The following THSD4 variants were observed in gnomAD, a reference collection of about 807,000 sequenced individuals.
THSD4 encodes the protein thrombospondin type-1 domain-containing protein 4.
A neutral mutation model predicts 119.0 loss-of-function variants in THSD4; 69 were observed. That is an observed-to-expected ratio of 0.58 (90% CI 0.48 to 0.71). THSD4 has a LOEUF of 0.71. Ranked by LOEUF, THSD4 falls within the 30% of genes least tolerant of loss-of-function variation. THSD4 has a pLI of 0.00. For missense variants in THSD4, 1,393 were observed against 1,391.1 expected (o/e 1.00, Z -0.02); for synonymous variants, 524 against 540.4 (o/e 0.97, Z 0.42).
At chr15:71,113,886 A>T (rs1341349774), upstream of THSD4, 2 of 152,084 alleles carry the variant, frequency 1.3e-5, no homozygotes, top group East Asian at 3.9e-4. Context: ...TTAAGTGTAT[A>T]ATTCAGTGAC....
chr15:71,215,159 A>T lies in THSD4; in HGVS notation c.224A>T (p.Glu75Val). 1 of 1,378,894 alleles carries T rather than the reference A, an allele frequency of 7.3e-7. No individual in the cohort carries two copies. 85.4% of individuals were successfully genotyped at this position (1,378,894 alleles called of 1,614,324 possible). ...CSRSCSGGVM[E>V]QTRPCLPRSY... Reference sequence around the variant, plus strand: ...CGTAGCTGCAGCGGCGGCGTGATGGAGCAGACGCGGCCCTGCCTGCCCCGC... The same window carrying T: ...CGTAGCTGCAGCGGCGGCGTGATGGTGCAGACGCGGCCCTGCCTGCCCCGC... Residue 75 changes from glutamate to valine, a missense_variant, in exon 4 of 18, where the codon GAG becomes GTG. Glu to Val is a moderately radical substitution (Grantham distance 121). Coordinates refer to ENST00000261862, the MANE Select transcript of THSD4 (RefSeq NM_024817.3).
At chr15:71,248,973 T>C (rs1003412253) in intron 5 of THSD4, among the ~76,000 whole-genome samples, 16 of 152,306 alleles carry the variant, frequency 1.1e-4, no homozygotes, top group Middle Eastern at 6.8e-3. Flanking sequence ...GTTTCTCTTA[T>C]CATGAGCTTA....
At chr15:71,214,181 T>A (rs1305163495) in intron 3 of THSD4, among the ~76,000 whole-genome samples, 2 of 152,214 alleles carry the variant, frequency 1.3e-5, no homozygotes, top group African/African-American at 2.4e-5. Flanking sequence ...ATCAGCACTC[T>A]GTAAAATGGA....
intron 6 of THSD4, among the ~76,000 whole-genome samples, chr15:71,365,725 G>T (rs551047262): frequency 6.6e-6 from 1 of 152,220 alleles, no homozygotes; most frequent in African/African-American, 2.4e-5. Context: ...GTAGCTACAA[G>T]CAACTTTCCT....
intron 7 of THSD4, among the ~76,000 whole-genome samples, chr15:71,648,416 C>T (rs2051015086): frequency 6.6e-6 from 1 of 152,206 alleles, no homozygotes; most frequent in Admixed American, 6.5e-5. Context: ...AGCAGTCTCC[C>T]TTGCTCTGTT....
At chr15:71,535,690 G>A (rs536253162) in intron 7 of THSD4, among the ~76,000 whole-genome samples, 6 of 152,194 alleles carry the variant, frequency 3.9e-5, no homozygotes, top group Non-Finnish European at 7.4e-5. Context: ...GACTCTTGAT[G>A]TTGAGCATCT....
chr15:71,694,728 C>G (rs2052126406), intron 8 of THSD4, among the ~76,000 whole-genome samples: 1 of 152,178 alleles, frequency 6.6e-6, no homozygotes, highest in South Asian at 2.1e-4. Flanking sequence ...TCAGGACATG[C>G]TGTTATAACT....
At chr15:71,119,737 T>A (rs1048021577) in intron 1 of THSD4, among the ~76,000 whole-genome samples, 1 of 152,220 alleles carries the variant, frequency 6.6e-6, no homozygotes, top group Non-Finnish European at 1.5e-5. Flanking sequence ...ACCCCCCGAA[T>A]AGGGCTGGAC....
At chr15:71,465,260 G>A (rs1325935372) in intron 7 of THSD4, among the ~76,000 whole-genome samples, 1 of 152,174 alleles carries the variant, frequency 6.6e-6, no homozygotes, top group Non-Finnish European at 1.5e-5. Context: ...CAGTGTGATT[G>A]ACTCAGTCAT....
chr15:71,759,042 T>C (rs1449930409), intron 15 of THSD4, among the ~76,000 whole-genome samples: 1 of 152,196 alleles, frequency 6.6e-6, no homozygotes, highest in South Asian at 2.1e-4. Context: ...GTTACAGATA[T>C]TATGGCATAT....
rs1195275065 is a variant in THSD4 at position 71,107,961 on chromosome 15, C to G, written c.-80+10955C>G. On this transcript the variant is annotated intron_variant, in intron 1 of 17. Coordinates refer to the THSD4 transcript ENST00000355327. The stretch of plus-strand genomic sequence containing the variant: ...GCTGCTATTATTTTTTCCTGAATCA[C>G]TGCTTCGTTTTCTGTCCATTCCACT... Among the ~76,000 whole-genome samples the G allele has an allele frequency of 3.3e-5, 5 of 152,332 alleles. No homozygotes were observed. The East Asian group carries it at 9.7e-4, about 29-fold the overall frequency.
chr15:71,292,754 G>A (rs1028222437), intron 6 of THSD4, among the ~76,000 whole-genome samples: 4 of 147,930 alleles, frequency 2.7e-5, no homozygotes, highest in Admixed American at 2.1e-4. Flanking sequence ...TCAGCTCACT[G>A]CAAGCTCCGC....
intron 7 of THSD4, among the ~76,000 whole-genome samples, chr15:71,526,451 A>G (rs2048519809): frequency 6.6e-6 from 1 of 151,322 alleles, no homozygotes; most frequent in African/African-American, 2.4e-5. Context: ...TCGTTTTGGC[A>G]GTTTTATTGT....
chr15:71,550,920 A>G (rs1188759959), intron 7 of THSD4, among the ~76,000 whole-genome samples: 1 of 152,228 alleles, frequency 6.6e-6, no homozygotes, highest in Non-Finnish European at 1.5e-5. Flanking sequence ...GAGCAATTTT[A>G]TGGCATGTAA....
chr15:71,748,558 T>C lies in THSD4; in HGVS notation c.2379T>C (p.Cys793=), dbSNP rs746689472. ...NDIENCDMGP[C]AKSWFLTEWS... is the part of the protein sequence containing the mutation. ...TTGAGAACTGCGACATGGGACCCTG[T>C]GCCAAGAGCTGGTTCCTCACCGAGT... The change falls in exon 14 of 18, where the codon TGT becomes TGC. Residue 793 remains cysteine, a synonymous_variant. Transcript: ENST00000261862. The C allele has an allele frequency of 3.7e-6, 6 of 1,614,198 alleles. No homozygotes were observed. The highest frequency in any genetic ancestry group is 5.1e-6 in the Non-Finnish European group (6 of 1,180,040).
chr15:71,642,045 A>G (rs1595819409), intron 7 of THSD4, among the ~76,000 whole-genome samples: 1 of 152,214 alleles, frequency 6.6e-6, no homozygotes, highest in East Asian at 1.9e-4. Context: ...AACGTGGAGC[A>G]ATGGACCGTA....
chr15:71,195,682 G>C (rs1262635066), intron 3 of THSD4, among the ~76,000 whole-genome samples: 1 of 152,164 alleles, frequency 6.6e-6, no homozygotes, highest in African/African-American at 2.4e-5. Context: ...AGCTAAGGGG[G>C]AGACACTGAT....
chr15:71,212,749 A>T (rs1263547294), intron 3 of THSD4, among the ~76,000 whole-genome samples: 3 of 152,262 alleles, frequency 2.0e-5, no homozygotes, highest in African/African-American at 7.2e-5. Context: ...GCCCTGCACT[A>T]GCCTGAGACG....
intron 4 of THSD4, among the ~76,000 whole-genome samples, chr15:71,241,392 T>G (rs776767072): frequency 4.6e-5 from 7 of 152,182 alleles, no homozygotes; most frequent in Non-Finnish European, 1.0e-4. Flanking sequence ...AGAAGTGCTT[T>G]TTCTTGCCTC....
Sources: allele counts gnomAD v4.1 joint callset (sites outside exome capture counted in the v4.1 genomes callset), GRCh38; gene constraint gnomAD v4.1.1; transcripts MANE v1.5; gene names NCBI Gene and HGNC (gene_info 2026-07-23, HGNC 2026-07-21).